Variants in TMEM217 observed in about 807,000 individuals in gnomAD.
The protein encoded by TMEM217 is chromosome 6 open reading frame 128.
For missense variants in TMEM217, 204 were observed against 248.8 expected (o/e 0.82, Z 1.21); for synonymous variants, 76 against 88.3 (o/e 0.86, Z 0.78).
chr6:37,223,063 CA>C (rs1261727846), intron 1 of TMEM217, among the ~76,000 whole-genome samples: 1 of 151,994 alleles, frequency 6.6e-6, no homozygotes, highest in African/African-American at 2.4e-5. Context: ...CAAGATAAAT[CA>C]GCAGAAATTA....
At chr6:37,257,147 T>G (rs754805813) in intron 1 of TMEM217, among the ~76,000 whole-genome samples, 4 of 152,214 alleles carry the variant, frequency 2.6e-5, no homozygotes, top group Non-Finnish European at 5.9e-5. Flanking sequence ...ACTGTTAGCA[T>G]AGTCAGAAAG....
chr6:37,212,469 T>C (rs1234660594), exon 4 of TMEM217: 1 of 453,254 alleles, frequency 2.2e-6, no homozygotes, highest in Non-Finnish European at 4.4e-6. Context: ...ATGAGTTCAC[T>C]GCAATGGTGG....
At chr6:37,229,351 T>TTGTTTG (rs1764056625) in intron 1 of TMEM217, among the ~76,000 whole-genome samples, 1 of 136,428 alleles carries the variant, frequency 7.3e-6, no homozygotes, top group Non-Finnish European at 1.6e-5. Context: ...TTTTTTTTTT[T>TTGTTTG]TTTTTTTTTG....
chr6:37,214,964 T>C (rs1004121902), downstream of TMEM217, among the ~76,000 whole-genome samples: 2 of 152,226 alleles, frequency 1.3e-5, no homozygotes, highest in African/African-American at 4.8e-5. Flanking sequence ...GGTACTCACC[T>C]GAATTGTCTA....
chr6:37,245,903 G>A lies in TMEM217; in HGVS notation c.-12+11665C>T, dbSNP rs982167410. On this transcript the variant is annotated intron_variant, in intron 1 of 1. Transcript: ENST00000357219. ...CAACCTCTGCCTCCCGGGTTCAAGC[G>A]ATTCTCCTGCCTCAGCCTCCCGAGT... 4.6e-5 allele frequency among the ~76,000 whole-genome samples: 7 copies of A among 151,722 alleles called. No individual in the cohort carries two copies. The East Asian group carries it at 9.7e-4, about 21-fold the overall frequency.
chr6:37,229,435 C>T (rs185654007), intron 1 of TMEM217, among the ~76,000 whole-genome samples: 1,777 of 150,872 alleles, frequency 0.012, 31 homozygotes, highest in Middle Eastern at 0.059. Context: ...CTCCGCCTCC[C>T]GGGTTCACTC....
In TMEM217 at chr6:37,233,617, C is replaced by G. The variant is rs375420174; in HGVS notation, c.-11-14576G>C. Among the ~76,000 whole-genome samples, 70 of 152,298 alleles carry G rather than the reference C, an allele frequency of 4.6e-4. 1 individual carries two copies. The South Asian group carries it at 0.013, about 28-fold the overall frequency. On this transcript the variant is annotated intron_variant, in intron 1 of 1. Transcript: ENST00000357219. Reference sequence around the variant, plus strand: ...GGCTGCACCTCTTACTACCATCACACTGGGGTTTAAGTTCCAACATATGAA... The same window carrying G: ...GGCTGCACCTCTTACTACCATCACAGTGGGGTTTAAGTTCCAACATATGAA...
chr6:37,227,592 G>A (rs12211648), intron 1 of TMEM217, among the ~76,000 whole-genome samples: 116 of 151,832 alleles, frequency 7.6e-4, no homozygotes, highest in Non-Finnish European at 1.4e-3. Flanking sequence ...GACTACAGGC[G>A]CACACCACCA....
rs541616137 is a variant in TMEM217, at chr6:37,223,082, T to C, written c.-11-4041A>G. On this transcript the variant is annotated intron_variant, in intron 1 of 1. Coordinates refer to ENST00000357219, the Ensembl canonical transcript of TMEM217. ...ATAAATCAGCAGAAATTATCCAGAA[T>C]GTAGCACAGGGAGACAAAAAGATGG... 1.6e-4 allele frequency among the ~76,000 whole-genome samples: 25 copies of C among 152,068 alleles called. No individual in the cohort carries two copies. In the South Asian group the frequency reaches 4.4e-3, roughly 27 times the overall value.
At chr6:37,224,032 G>T (rs1243102308) in intron 1 of TMEM217, among the ~76,000 whole-genome samples, 7 of 151,224 alleles carry the variant, frequency 4.6e-5, no homozygotes, top group Admixed American at 1.3e-4. Flanking sequence ...CGCCTCCTGG[G>T]TTCAAGCGAT....
intron 1 of TMEM217, among the ~76,000 whole-genome samples, chr6:37,252,043 G>A (rs1224290): frequency 6.6e-6 from 1 of 152,054 alleles, no homozygotes; most frequent in South Asian, 2.1e-4. Flanking sequence ...ACAGGCATGC[G>A]CCACCATGCC....
intron 1 of TMEM217, among the ~76,000 whole-genome samples, chr6:37,237,856 T>C (rs1562016797): frequency 6.6e-6 from 1 of 152,146 alleles, no homozygotes; most frequent in African/African-American, 2.4e-5. Flanking sequence ...TTTATATAGA[T>C]GCAAGAAAAC....
At chr6:37,212,733 G>A (rs1762978062), downstream of TMEM217, 1 of 671,074 alleles carries the variant, frequency 1.5e-6, no homozygotes, top group Non-Finnish European at 2.7e-6. Context: ...AGATATTCTT[G>A]TGGATACAAT....
rs1763380411 is a variant in TMEM217, at chr6:37,219,045, T to C, written c.-11-4A>G. The C allele has an allele frequency of 6.2e-7, 1 of 1,606,456 alleles. No individual in the cohort carries two copies. Among genetic ancestry groups the C allele is most frequent in the South Asian group, 1.1e-5 (1 of 90,554 alleles). ...TGCTGTTTCATGCTGAGACCTCCTG[T>C]GAAGACAAACAACATGAGGGAGAAT... is the stretch of plus-strand genomic sequence containing the variant. On this transcript the variant is annotated splice_polypyrimidine_tract_variant and splice_region_variant and intron_variant, in intron 1 of 1. Transcript: ENST00000357219.
chr6:37,231,761 T>C (rs1164872834), intron 1 of TMEM217, among the ~76,000 whole-genome samples: 4 of 147,982 alleles, frequency 2.7e-5, no homozygotes, highest in African/African-American at 7.4e-5. Context: ...TGTTATTATA[T>C]ATAATATATA....
chr6:37,215,592 A>AAAAAAAAAAAAAAAAC (rs1763157996), downstream of TMEM217, among the ~76,000 whole-genome samples: 1 of 149,330 alleles, frequency 6.7e-6, no homozygotes, highest in Admixed American at 6.7e-5. Context: ...AAAAAAAAAA[A>AAAAAAAAAAAAAAAAC]AAAAAAAAAG....
chr6:37,239,128 C>A (rs767836214), intron 1 of TMEM217, among the ~76,000 whole-genome samples: 3 of 151,548 alleles, frequency 2.0e-5, no homozygotes, highest in South Asian at 4.2e-4. Flanking sequence ...ACTCTGTCTC[C>A]AAAACAAAAA....
chr6:37,247,779 T>C (rs993615048), intron 1 of TMEM217, among the ~76,000 whole-genome samples: 4 of 152,172 alleles, frequency 2.6e-5, no homozygotes, highest in South Asian at 2.1e-4. Flanking sequence ...CCTGTAAGTG[T>C]TGAAGGAGCT....
chr6:37,243,360 G>A (rs1407801621), intron 1 of TMEM217, among the ~76,000 whole-genome samples: 2 of 152,084 alleles, frequency 1.3e-5, no homozygotes, highest in Non-Finnish European at 2.9e-5. Flanking sequence ...ATTGAAAGGG[G>A]GAAAAAAATG....
Sources: gnomAD v4.1 joint callset for allele counts (sites outside exome capture counted in the v4.1 genomes callset) on GRCh38, gnomAD v4.1.1 for gene constraint, MANE v1.5 for transcripts, NCBI Gene and HGNC (gene_info 2026-07-23, HGNC 2026-07-21) for gene names.